The following UNC5D variants were observed in gnomAD, a reference collection of about 807,000 sequenced individuals.
UNC5D encodes netrin receptor UNC5D.
A neutral mutation model predicts 105.4 loss-of-function variants in UNC5D; 39 were observed. That is an observed-to-expected ratio of 0.37 (90% CI 0.29 to 0.48). The LOEUF (loss-of-function observed/expected upper bound fraction) is 0.48, where lower values mean the gene tolerates loss of function less well. UNC5D is among the 20% of genes least tolerant of loss of function. The pLI is 0.98. For synonymous variants in UNC5D, 452 were observed against 450.4 expected, an observed-to-expected ratio of 1.00 and a Z score of -0.04; for missense variants, 991 against 1,202.4, an observed-to-expected ratio of 0.82 and a Z score of 2.60.
chr8:35,717,115 A>G (rs143690211), intron 8 of UNC5D, among the ~76,000 whole-genome samples: 1,969 of 152,290 alleles, frequency 0.013, 22 homozygotes, highest in Non-Finnish European at 0.019. Context: ...TTCCTCTTAC[A>G]TATATACCAG....
intron 1 of UNC5D, among the ~76,000 whole-genome samples, chr8:35,248,172 T>TAA (rs774948457): frequency 0.46 from 17,414 of 38,260 alleles, 5,191 homozygotes; most frequent in East Asian, 0.73. Context: ...ATATATTATA[T>TAA]AATATATATA....
At chr8:35,658,644 CTTT>C (rs34252660) in intron 4 of UNC5D, among the ~76,000 whole-genome samples, 1 of 84,356 alleles carries the variant, frequency 1.2e-5, no homozygotes, top group Non-Finnish European at 2.3e-5. Context: ...TCATGAGTGA[CTTT>C]TTTTTTTTTT....
At chr8:35,291,040 G>A (rs1159929224) in intron 1 of UNC5D, among the ~76,000 whole-genome samples, 3 of 152,070 alleles carry the variant, frequency 2.0e-5, no homozygotes, top group Non-Finnish European at 4.4e-5. Flanking sequence ...TATCCTTGTG[G>A]GAGAGGGATT....
intron 1 of UNC5D, among the ~76,000 whole-genome samples, chr8:35,336,306 C>T (rs2128897645): frequency 6.6e-6 from 1 of 152,246 alleles, no homozygotes; most frequent in Non-Finnish European, 1.5e-5. Context: ...ACCTCTCTAC[C>T]ACTAAGACAA....
chr8:35,601,598 T>C (rs1586222034), intron 4 of UNC5D, among the ~76,000 whole-genome samples: 1 of 152,296 alleles, frequency 6.6e-6, no homozygotes, highest in South Asian at 2.1e-4. Context: ...TGGCTCTCTG[T>C]TTGTCTGTTA....
chr8:35,361,762 G>A lies in UNC5D; in HGVS notation c.103+125875G>A, dbSNP rs549685857. 7.9e-5 allele frequency among the ~76,000 whole-genome samples: 12 copies of A among 152,276 alleles called. No homozygotes were observed. The South Asian group carries it at 2.5e-3, about 32-fold the overall frequency. ...ACCATTTTCAATAGTGTGAAGCTTA[G>A]CAACAGCTTTAACTGGCCATCTGCT... On this transcript the variant is annotated intron_variant, in intron 1 of 16. Transcript: ENST00000404895.
intron 12 of UNC5D, among the ~76,000 whole-genome samples, chr8:35,749,153 G>C (rs556621414): frequency 2.4e-3 from 361 of 152,188 alleles, no homozygotes; most frequent in African/African-American, 8.0e-3. Context: ...CACATTTAGG[G>C]CTTAATATTT....
chr8:35,547,500 T>C (rs932859074), intron 1 of UNC5D, among the ~76,000 whole-genome samples: 12 of 152,146 alleles, frequency 7.9e-5, no homozygotes, highest in African/African-American at 1.7e-4. Flanking sequence ...GGATTTGCCA[T>C]GTTGGCCAGG....
rs544740922 is a variant in UNC5D at position 35,793,336 on chromosome 8, C to T, written c.*2773C>T. On this transcript the variant is annotated 3_prime_UTR_variant, in exon 17 of 17. Transcript: ENST00000404895. ...ACTTGAACTTAGTTATTCACTGTGACCTAAATTTAGTCCTATTGTAATATG... is the reference window on the plus strand; with the variant it reads ...ACTTGAACTTAGTTATTCACTGTGATCTAAATTTAGTCCTATTGTAATATG... The T allele has an allele frequency of 2.3e-4, 68 of 296,166 alleles. 1 individual carries two copies. The highest frequency in any genetic ancestry group is 1.6e-3 in the South Asian group (54 of 32,918). The allele number at this position is 296,166 out of a possible 1,614,324, so 18.3% of individuals were successfully genotyped here. A position where few individuals can be genotyped will look rare whatever the true frequency, so the allele number is the denominator to read the frequency against.
In UNC5D at chr8:35,379,561, C is replaced by A. The variant is rs549963318; in HGVS notation, c.103+143674C>A. The stretch of plus-strand genomic sequence containing the variant: ...AGAACAACTGCAGGCTCATTCCCTG[C>A]AGCTTTCTCTGACTTGCCTGGACCG... On this transcript the variant is annotated intron_variant, in intron 1 of 16. Coordinates refer to ENST00000404895, the MANE Select transcript of UNC5D (RefSeq NM_080872.4). Among the ~76,000 whole-genome samples the A allele has an allele frequency of 4.6e-5, 7 of 152,260 alleles. 1 individual carries two copies. Among genetic ancestry groups the A allele is most frequent in the African/African-American group, 1.7e-4 (7 of 41,568 alleles).
chr8:35,525,627 G>C, intron 1 of UNC5D: 1 of 1,613,446 alleles, frequency 6.2e-7, no homozygotes, highest in East Asian at 2.2e-5. Flanking sequence ...CTTTCCACTG[G>C]AAGAGGGACA....
At chr8:35,546,227 G>T (rs1024529779) in intron 1 of UNC5D, among the ~76,000 whole-genome samples, 1 of 152,074 alleles carries the variant, frequency 6.6e-6, no homozygotes, top group South Asian at 2.1e-4. Flanking sequence ...GGATCCTCGG[G>T]TAGCTAGGAC....
intron 1 of UNC5D, among the ~76,000 whole-genome samples, chr8:35,537,885 A>T (rs898376829): frequency 9.9e-5 from 15 of 152,074 alleles, no homozygotes; most frequent in South Asian, 2.1e-4. Flanking sequence ...TTTATTTTTT[A>T]AAAAATTTAT....
intron 1 of UNC5D, among the ~76,000 whole-genome samples, chr8:35,520,590 T>C (rs940133741): frequency 5.3e-5 from 8 of 152,278 alleles, no homozygotes; most frequent in African/African-American, 1.7e-4. Context: ...TTTTATAAGA[T>C]GCAATCAGAA....
intron 4 of UNC5D, among the ~76,000 whole-genome samples, chr8:35,668,566 T>A (rs914690729): frequency 6.6e-6 from 1 of 152,114 alleles, no homozygotes; most frequent in Admixed American, 6.6e-5. Flanking sequence ...GGTACTTTTG[T>A]GGTTGCACTT....
chr8:35,682,327 C>T (rs1455095961), intron 4 of UNC5D, among the ~76,000 whole-genome samples: 4 of 152,182 alleles, frequency 2.6e-5, no homozygotes, highest in African/African-American at 9.7e-5. Flanking sequence ...AATGAAGTAT[C>T]TTATTCTAAA....
chr8:35,312,906 C>T (rs575629953), intron 1 of UNC5D, among the ~76,000 whole-genome samples: 3 of 152,282 alleles, frequency 2.0e-5, no homozygotes, highest in African/African-American at 7.2e-5. Context: ...TCTGTCCTTG[C>T]CAACTTCCTC....
chr8:35,612,784 A>G (rs1209828137), intron 4 of UNC5D, among the ~76,000 whole-genome samples: 2 of 107,308 alleles, frequency 1.9e-5, no homozygotes, highest in African/African-American at 7.6e-5. Context: ...AAGGTTTTGT[A>G]AAAAAAGGTT....
At chr8:35,526,943 G>C (rs1402581261) in intron 1 of UNC5D, among the ~76,000 whole-genome samples, 1 of 152,150 alleles carries the variant, frequency 6.6e-6, no homozygotes, top group East Asian at 1.9e-4. Context: ...ATGACTGTTT[G>C]TATCCATCAT....
Sources: allele counts gnomAD v4.1 joint callset (sites outside exome capture counted in the v4.1 genomes callset), GRCh38; gene constraint gnomAD v4.1.1; transcripts MANE v1.5; gene names NCBI Gene and HGNC (gene_info 2026-07-23, HGNC 2026-07-21).